Variants in SPHKAP observed in about 807,000 individuals in gnomAD.
SPHKAP encodes A-kinase anchor protein SPHKAP.
A neutral mutation model predicts 137.5 loss-of-function variants in SPHKAP; 67 were observed. That is an observed-to-expected ratio of 0.49 (90% CI 0.40 to 0.60). SPHKAP has a LOEUF of 0.60. Among genes scored for constraint, SPHKAP ranks in the 20% least tolerant of loss-of-function variants. The pLI, the probability that SPHKAP is intolerant of heterozygous loss-of-function variation, is 0.00. For synonymous variants in SPHKAP, 813 were observed against 785.3 expected (o/e 1.04, Z -0.59); for missense variants, 2,097 against 2,069.3 (o/e 1.01, Z -0.26).
chr2:228,113,623 C>CTT (rs1248204834), intron 2 of SPHKAP, among the ~76,000 whole-genome samples: 1 of 144,042 alleles, frequency 6.9e-6, no homozygotes, highest in African/African-American at 2.8e-5. Context: ...CTCTCTCTCT[C>CTT]TCTCTCTCTC....
intron 3 of SPHKAP, among the ~76,000 whole-genome samples, chr2:228,031,019 G>A (rs1695289955): frequency 6.6e-6 from 1 of 152,202 alleles, no homozygotes; most frequent in African/African-American, 2.4e-5. Context: ...ACTAGGGAGT[G>A]CCAGAGAGTG....
intron 3 of SPHKAP, among the ~76,000 whole-genome samples, chr2:228,068,209 A>C (rs1045077688): frequency 1.3e-5 from 2 of 152,128 alleles, no homozygotes; most frequent in Non-Finnish European, 2.9e-5. Flanking sequence ...ATAAAATATA[A>C]ATGAAAGAAA....
chr2:228,176,189 G>T (rs1304642775), intron 1 of SPHKAP, among the ~76,000 whole-genome samples: 1 of 152,156 alleles, frequency 6.6e-6, no homozygotes, highest in Non-Finnish European at 1.5e-5. Flanking sequence ...CTTTACAAAA[G>T]AGTTTCTGTA....
chr2:228,016,143 T>C (rs1694579442), intron 7 of SPHKAP, among the ~76,000 whole-genome samples: 1 of 152,110 alleles, frequency 6.6e-6, no homozygotes, highest in South Asian at 2.1e-4. Flanking sequence ...CTATCATAAA[T>C]GCATATTAAC....
chr2:228,123,928 T>A (rs939439055), intron 2 of SPHKAP, among the ~76,000 whole-genome samples: 1 of 152,174 alleles, frequency 6.6e-6, no homozygotes, highest in African/African-American at 2.4e-5. Context: ...GCAAAGGATA[T>A]GAACAAACAC....
intron 11 of SPHKAP, among the ~76,000 whole-genome samples, chr2:227,984,160 C>T (rs1014197322): frequency 2.6e-5 from 4 of 151,828 alleles, no homozygotes; most frequent in Admixed American, 2.0e-4. Flanking sequence ...ATTAACCGGG[C>T]GTCGTGGCAT....
chr2:228,005,949 C>G (rs1018655399), intron 7 of SPHKAP, among the ~76,000 whole-genome samples: 5 of 152,200 alleles, frequency 3.3e-5, no homozygotes, highest in Non-Finnish European at 7.3e-5. Flanking sequence ...GTAACCCGAC[C>G]TTTCTCTTTG....
intron 1 of SPHKAP, among the ~76,000 whole-genome samples, chr2:228,175,798 A>G (rs1463074243): frequency 2.0e-5 from 3 of 152,194 alleles, no homozygotes; most frequent in Non-Finnish European, 4.4e-5. Flanking sequence ...AGATTTGAAG[A>G]GATAGATAGA....
intron 1 of SPHKAP, 87 bp from the exon 2 acceptor site, chr2:228,132,172 T>C (rs1287040062): frequency 1.8e-6 from 2 of 1,137,050 alleles, no homozygotes; most frequent in African/African-American, 1.5e-5. Flanking sequence ...CAACATGGTG[T>C]ATCAAAAATC....
At chr2:228,028,561 G>A (rs756585242) in intron 3 of SPHKAP, among the ~76,000 whole-genome samples, 7 of 152,092 alleles carry the variant, frequency 4.6e-5, no homozygotes, top group African/African-American at 1.2e-4. Context: ...TTATAATACC[G>A]TATTTTTACT....
At chr2:228,021,665 T>C (rs748647032) in intron 6 of SPHKAP, 46 bp downstream of exon 6, 12 of 1,563,012 alleles carry the variant, frequency 7.7e-6, no homozygotes, top group Non-Finnish European at 1.0e-5. Context: ...CAAGACATTT[T>C]TATACGGGGA....
intron 3 of SPHKAP, among the ~76,000 whole-genome samples, chr2:228,099,067 T>G (rs1698100611): frequency 6.6e-6 from 1 of 152,190 alleles, no homozygotes; most frequent in Admixed American, 6.5e-5. Flanking sequence ...TTGTTTTTGT[T>G]GCAATTGCTT....
chr2:228,049,442 T>A (rs757249024), intron 3 of SPHKAP, among the ~76,000 whole-genome samples: 1 of 152,238 alleles, frequency 6.6e-6, no homozygotes, highest in Admixed American at 6.5e-5. Flanking sequence ...ATCACAAATG[T>A]GAGACATTGC....
At chr2:228,024,360 T>TAA (rs201897730) in intron 5 of SPHKAP, among the ~76,000 whole-genome samples, 27 of 142,524 alleles carry the variant, frequency 1.9e-4, no homozygotes, top group African/African-American at 3.4e-4. Context: ...TTTTTTTTTT[T>TAA]TAAATCTGTG....
intron 3 of SPHKAP, among the ~76,000 whole-genome samples, chr2:228,067,920 C>T (rs1010085984): frequency 7.2e-5 from 11 of 152,026 alleles, no homozygotes; most frequent in African/African-American, 2.7e-4. Flanking sequence ...GGTATCCAAA[C>T]TGGAAAGGAA....
chr2:228,046,204 T>G (rs1696044393), intron 3 of SPHKAP, among the ~76,000 whole-genome samples: 1 of 152,078 alleles, frequency 6.6e-6, no homozygotes, highest in South Asian at 2.1e-4. Flanking sequence ...GCAATTTTTG[T>G]TTGTTCATTA....
Position 227,991,303 on chromosome 2 carries a change from ATC to A in SPHKAP, c.4743_4744del (p.Lys1581AsnfsTer3). On this transcript the variant is annotated frameshift_variant, in exon 10 of 12. Transcript: ENST00000392056. LOFTEE classifies it high-confidence loss of function. Reference sequence around the variant, plus strand: ...TGTGCTTTCTGACTGTCCTTTAAGAATCTTCTTTTCTTCTACTAATTCACTTT... The same window carrying A: ...TGTGCTTTCTGACTGTCCTTTAAGAATTCTTTTCTTCTACTAATTCACTTT... 1 of 1,614,228 alleles carries A rather than the reference ATC, an allele frequency of 6.2e-7. No homozygotes were observed. The highest frequency in any genetic ancestry group is 8.5e-7 in the Non-Finnish European group (1 of 1,180,016).
At chr2:228,131,882 T>C (rs1404416212) in intron 2 of SPHKAP, 98 bp downstream of exon 2, 1 of 1,468,826 alleles carries the variant, frequency 6.8e-7, no homozygotes, top group Non-Finnish European at 9.3e-7. Flanking sequence ...TGTTTGTTTT[T>C]ATTGTTGTTT....
intron 11 of SPHKAP, among the ~76,000 whole-genome samples, chr2:227,985,269 C>A (rs1193802102): frequency 6.6e-6 from 1 of 152,100 alleles, no homozygotes; most frequent in East Asian, 1.9e-4. Flanking sequence ...ATAGAGCATG[C>A]TCTGAGGCCG....
Sources: gnomAD v4.1 joint callset for allele counts (sites outside exome capture counted in the v4.1 genomes callset) on GRCh38, gnomAD v4.1.1 for gene constraint, MANE v1.5 for transcripts, NCBI Gene and HGNC (gene_info 2026-07-23, HGNC 2026-07-21) for gene names.